Variants in RNF157 observed in about 807,000 individuals in gnomAD.
RNF157 encodes the protein E3 ubiquitin ligase RNF157.
RNF157 carries 55 observed loss-of-function variants against 88.3 expected under a neutral mutation model. The observed-to-expected ratio is 0.62, with a 90% CI of 0.50 to 0.78. RNF157 has a LOEUF of 0.78. RNF157 is among the 30% of genes least tolerant of loss of function. The probability of loss-of-function intolerance (pLI) is 0.00; values close to 1 mark genes in which losing one functional copy is unlikely to be tolerated. For synonymous variants in RNF157, 334 were observed against 341.2 expected (o/e 0.98, Z 0.23); for missense variants, 788 against 860.8 (o/e 0.92, Z 1.06).
chr17:76,179,864 T>C lies in RNF157; in HGVS notation c.208-6074A>G, dbSNP rs75481553. ...CTGAAGTACTCATGCACCAGTCCAC[T>C]GTACTTAGCATTAGCAATCGTTTTC... On this transcript the variant is annotated intron_variant, in intron 2 of 18. Coordinates refer to ENST00000269391, the MANE Select transcript of RNF157 (RefSeq NM_052916.3). Among the ~76,000 whole-genome samples the C allele has an allele frequency of 6.7e-3, 1,021 of 152,328 alleles. 9 individuals carry two copies. The highest frequency in any genetic ancestry group is 0.023 in the African/African-American group (957 of 41,568).
At chr17:76,158,856 G>A (rs1233760615) in intron 12 of RNF157, among the ~76,000 whole-genome samples, 1 of 152,142 alleles carries the variant, frequency 6.6e-6, no homozygotes, top group Non-Finnish European at 1.5e-5. Flanking sequence ...CTGATGACTT[G>A]CTATCTAAAC....
intron 2 of RNF157, among the ~76,000 whole-genome samples, chr17:76,210,477 C>A (rs377439729): frequency 6.7e-6 from 1 of 148,316 alleles, no homozygotes; most frequent in Admixed American, 6.8e-5. Context: ...GTAGTCCCAG[C>A]TACTCAGGAG....
rs138224301 is a variant in RNF157, at chr17:76,182,501, AT to A, written c.208-8712del. ...TGTGTGTATCAATCACATGTCCTAGATTTTTTTTTTTACCATTCTGATTTCA... is the reference window on the plus strand; with the variant it reads ...TGTGTGTATCAATCACATGTCCTAGATTTTTTTTTTACCATTCTGATTTCA... On this transcript the variant is annotated intron_variant, in intron 2 of 18. Coordinates refer to ENST00000269391, the MANE Select transcript of RNF157 (RefSeq NM_052916.3). 4.1e-3 allele frequency among the ~76,000 whole-genome samples: 578 copies of A among 141,532 alleles called. 4 individuals are homozygous for A. Among genetic ancestry groups the A allele is most frequent in the African/African-American group, 0.013 (474 of 37,612 alleles). 92.9% of individuals were successfully genotyped at this position (141,532 alleles called of 152,430 possible).
chr17:76,200,280 G>A (rs1019129797), intron 2 of RNF157, among the ~76,000 whole-genome samples: 4 of 151,866 alleles, frequency 2.6e-5, no homozygotes, highest in Non-Finnish European at 5.9e-5. Flanking sequence ...AAAAAAAACC[G>A]AGGCATTTCT....
intron 13 of RNF157, among the ~76,000 whole-genome samples, chr17:76,158,046 CAT>C (rs1417057996): frequency 1.3e-5 from 2 of 152,130 alleles, no homozygotes; most frequent in Non-Finnish European, 2.9e-5. Flanking sequence ...TCCCTTCCCA[CAT>C]GTCACACATG....
At chr17:76,173,601 C>G (rs11655525) in intron 3 of RNF157, 101 bp downstream of exon 3, 111,574 of 882,262 alleles carry the variant, frequency 0.13, 8,397 homozygotes, top group Non-Finnish European at 0.16. Context: ...TCTGGGGCTG[C>G]CGGAAACTGC....
intron 2 of RNF157, among the ~76,000 whole-genome samples, chr17:76,180,836 G>A (rs151123200): frequency 1.3e-5 from 2 of 152,180 alleles, no homozygotes; most frequent in South Asian, 2.1e-4. Flanking sequence ...ATTATCGTGC[G>A]GCCATCACCG....
chr17:76,192,272 A>G (rs150048101), intron 2 of RNF157, among the ~76,000 whole-genome samples: 30 of 152,368 alleles, frequency 2.0e-4, no homozygotes, highest in Middle Eastern at 6.8e-3. Flanking sequence ...TCAAGCACTT[A>G]GTGGCACTTT....
chr17:76,229,992 A>G (rs1051074174), intron 1 of RNF157, among the ~76,000 whole-genome samples: 14 of 152,210 alleles, frequency 9.2e-5, no homozygotes, highest in African/African-American at 3.1e-4. Flanking sequence ...GTGCATTTCT[A>G]TAAGGTACAC....
At chr17:76,182,839 T>G (rs2069218948) in intron 2 of RNF157, among the ~76,000 whole-genome samples, 4 of 88,724 alleles carry the variant, frequency 4.5e-5, no homozygotes, top group Admixed American at 3.3e-4. Flanking sequence ...CTATATATGA[T>G]ATATAGGATA....
Position 76,162,056 on chromosome 17 carries a change from A to G in RNF157, c.793-54T>C. ...TGGCACAAAGCCCTTCCTGTCCCAT[A>G]CTTTACTGACAAGGCAGCGTGGCTG... On this transcript the variant is annotated intron_variant, in intron 9 of 18. Transcript: ENST00000269391. The G allele has an allele frequency of 2.6e-6, 4 of 1,563,866 alleles. No individual in the cohort carries two copies. The South Asian group carries it at 4.6e-5, about 18-fold the overall frequency.
intron 2 of RNF157, among the ~76,000 whole-genome samples, chr17:76,203,031 C>T (rs1183278231): frequency 6.6e-6 from 1 of 152,098 alleles, no homozygotes; most frequent in Admixed American, 6.5e-5. Context: ...TCTCGTCCAG[C>T]CCAGGCTGGA....
chr17:76,155,644 T>A lies in RNF157; in HGVS notation c.1616A>T (p.Tyr539Phe). 6.2e-7 allele frequency: 1 copy of A among 1,613,970 alleles called. No individual in the cohort carries two copies. The highest frequency in any genetic ancestry group is 2.2e-5 in the East Asian group (1 of 44,878). Residue 539 changes from tyrosine (Y) to phenylalanine (F), a missense_variant, in exon 15 of 19, where the codon TAC becomes TTC. Transcript: ENST00000269391. ...TDTVSSMSGSYIAPGTEEEGE... is the reference protein window; with the variant it reads ...TDTVSSMSGSFIAPGTEEEGE... Reference sequence around the variant, plus strand: ...CTCCTCTTCAGTGCCAGGGGCGATGTAGGAGCCAGACATGGAGGAGACGGT... The same window carrying A: ...CTCCTCTTCAGTGCCAGGGGCGATGAAGGAGCCAGACATGGAGGAGACGGT...
chr17:76,234,783 T>C (rs2070253434), intron 1 of RNF157, among the ~76,000 whole-genome samples: 1 of 152,226 alleles, frequency 6.6e-6, no homozygotes, highest in African/African-American at 2.4e-5. Context: ...CTATGATTTA[T>C]AAAAATTTCT....
chr17:76,178,039 A>G (rs1224354566), intron 2 of RNF157, among the ~76,000 whole-genome samples: 1 of 152,016 alleles, frequency 6.6e-6, no homozygotes, highest in African/African-American at 2.4e-5. Flanking sequence ...TGCTCACCCT[A>G]TGTTTGTCTG....
At position 76,157,888 on chromosome 17, in the gene RNF157, C is replaced by T. The variant is rs921699610; in HGVS notation, c.1413+505G>A. On this transcript the variant is annotated intron_variant, in intron 13 of 18. Transcript: ENST00000269391. This position sits in a 1 kb window ranked among gnomAD's most constrained non-coding sequence, Gnocchi z 5.6. ...TCCACATGGGCCTCCCGACACCCCC[C>T]ACTTACCCCCAGGACTTTCTCCTTG... Among the ~76,000 whole-genome samples, 32 of 152,056 alleles carry T rather than the reference C, an allele frequency of 2.1e-4. No individual in the cohort carries two copies. The highest frequency in any genetic ancestry group is 7.5e-4 in the African/African-American group (31 of 41,384).
At chr17:76,226,626 A>C in intron 1 of RNF157, 1 of 1,613,230 alleles carries the variant, frequency 6.2e-7, no homozygotes, top group Non-Finnish European at 8.5e-7. Flanking sequence ...ACAGTCAGCC[A>C]TTCGGAGGAG....
At chr17:76,210,406 C>T (rs113692487) in intron 2 of RNF157, among the ~76,000 whole-genome samples, 2,364 of 151,426 alleles carry the variant, frequency 0.016, 53 homozygotes, top group African/African-American at 0.05. Context: ...CTGGCTAACA[C>T]AGTGAAACCC....
At chr17:76,187,165 T>C (rs1269515125) in intron 2 of RNF157, among the ~76,000 whole-genome samples, 4 of 151,780 alleles carry the variant, frequency 2.6e-5, no homozygotes, top group East Asian at 1.9e-4. Context: ...ATAACTCTAA[T>C]AGGATTTTCT....
Sources: allele counts gnomAD v4.1 joint callset (sites outside exome capture counted in the v4.1 genomes callset), GRCh38; gene constraint gnomAD v4.1.1; non-coding constraint Gnocchi (gnomAD v3.1); transcripts MANE v1.5; gene names NCBI Gene and HGNC (gene_info 2026-07-23, HGNC 2026-07-21).